RBPJ: variants seen among roughly 807,000 people sequenced by gnomAD.
RBPJ encodes the protein recombining binding protein suppressor of hairless.
In RBPJ, 9 loss-of-function variants were observed where a neutral mutation model predicts 67.8. That is an observed-to-expected ratio of 0.13 (90% CI 0.08 to 0.23). The LOEUF (loss-of-function observed/expected upper bound fraction) is 0.23, where lower values mean the gene tolerates loss of function less well. Among genes scored for constraint, RBPJ ranks in the 10% least tolerant of loss-of-function variants. The probability of loss-of-function intolerance (pLI) is 1.00; values close to 1 mark genes in which losing one functional copy is unlikely to be tolerated. For missense variants in RBPJ, 305 were observed against 595.6 expected (o/e 0.51, Z 5.08); for synonymous variants, 198 against 203.3 (o/e 0.97, Z 0.22).
intron 1 of RBPJ, among the ~76,000 whole-genome samples, chr4:26,329,364 A>C (rs1723992537): frequency 1.3e-5 from 2 of 152,208 alleles, no homozygotes; most frequent in African/African-American, 4.8e-5. Flanking sequence ...GGTGGACACC[A>C]TAAGAGAAAT....
intron 1 of RBPJ, among the ~76,000 whole-genome samples, chr4:26,343,739 C>CTTCT (rs1725809356): frequency 1.8e-5 from 1 of 55,836 alleles, no homozygotes; most frequent in Non-Finnish European, 3.3e-5. Context: ...TTTCTTTCTT[C>CTTCT]TTTTTTTTTT....
chr4:26,255,595 G>T (rs1257738660), intron 1 of RBPJ, among the ~76,000 whole-genome samples: 3 of 149,444 alleles, frequency 2.0e-5, no homozygotes, highest in South Asian at 2.1e-4. Context: ...GAGGTCGGGA[G>T]ATCGAGACCA....
the RBPJ span, among the ~76,000 whole-genome samples, chr4:26,138,614 TG>T: frequency 1.3e-5 from 2 of 152,204 alleles, no homozygotes; most frequent in Admixed American, 6.5e-5. Context: ...GTCGCTGCTC[TG>T]GAGTCTGAGT....
chr4:26,180,387 G>GT (rs1315831482), intron 1 of RBPJ, among the ~76,000 whole-genome samples: 2 of 151,634 alleles, frequency 1.3e-5, no homozygotes, highest in African/African-American at 2.4e-5. Flanking sequence ...CTTTGTTGGG[G>GT]CTGTTATAAC....
At chr4:26,353,511 A>G (rs1036577133) in intron 1 of RBPJ, among the ~76,000 whole-genome samples, 2 of 152,226 alleles carry the variant, frequency 1.3e-5, no homozygotes, top group Non-Finnish European at 2.9e-5. Context: ...TTGGTAGTAA[A>G]TAAGTGAGAT....
chr4:26,142,041 C>T, the RBPJ span, among the ~76,000 whole-genome samples: 348 of 152,032 alleles, frequency 2.3e-3, 2 homozygotes, highest in South Asian at 0.012. Context: ...TTCTGTTTCA[C>T]GATGTTCCTT....
At chr4:26,176,868 C>A (rs1039423622) in intron 1 of RBPJ, among the ~76,000 whole-genome samples, 2 of 152,238 alleles carry the variant, frequency 1.3e-5, no homozygotes, top group African/African-American at 4.8e-5. Context: ...ACCAGGCTGC[C>A]TTGCCAGACC....
At chr4:26,285,521 A>G (rs1344928921) in intron 1 of RBPJ, among the ~76,000 whole-genome samples, 1 of 152,030 alleles carries the variant, frequency 6.6e-6, no homozygotes, top group Non-Finnish European at 1.5e-5. Flanking sequence ...CTCTGCCTCA[A>G]AATTTTAATA....
chr4:26,202,939 GAGAA>G (rs755490944), intron 1 of RBPJ, among the ~76,000 whole-genome samples: 40 of 138,674 alleles, frequency 2.9e-4, no homozygotes, highest in Non-Finnish European at 5.5e-4. Flanking sequence ...GAGAGAAAGA[GAGAA>G]AGGAAGGAAG....
At chr4:26,334,357 G>A (rs1392480793) in intron 1 of RBPJ, among the ~76,000 whole-genome samples, 4 of 149,876 alleles carry the variant, frequency 2.7e-5, no homozygotes, top group Non-Finnish European at 5.9e-5. Flanking sequence ...TTTCTGCTTT[G>A]TATTTTCTTT....
chr4:26,255,578 G>A (rs1210157970), intron 1 of RBPJ, among the ~76,000 whole-genome samples: 1 of 149,878 alleles, frequency 6.7e-6, no homozygotes, highest in Non-Finnish European at 1.5e-5. Flanking sequence ...CAAGGCGGGC[G>A]GATCACGAGG....
the RBPJ span, among the ~76,000 whole-genome samples, chr4:26,122,822 G>A: frequency 6.6e-6 from 1 of 152,082 alleles, no homozygotes; most frequent in Non-Finnish European, 1.5e-5. Flanking sequence ...TACCATTGCA[G>A]GGAGAACACA....
chr4:26,340,204 G>A (rs1327668608), intron 1 of RBPJ, among the ~76,000 whole-genome samples: 1 of 152,174 alleles, frequency 6.6e-6, no homozygotes, highest in Non-Finnish European at 1.5e-5. Context: ...ATAAAAAGCA[G>A]GCAAGATGGT....
intron 1 of RBPJ, among the ~76,000 whole-genome samples, chr4:26,272,267 T>A (rs888107649): frequency 2.6e-5 from 4 of 152,180 alleles, no homozygotes; most frequent in African/African-American, 7.2e-5. Context: ...TCATTTTTAT[T>A]TTCTAAAACT....
chr4:26,318,082 GTTTT>G (rs142469301), upstream of RBPJ, among the ~76,000 whole-genome samples: 1 of 151,828 alleles, frequency 6.6e-6, no homozygotes, highest in Non-Finnish European at 1.5e-5. Flanking sequence ...TTTTAAGTCT[GTTTT>G]TTTGTGTATA....
intron 1 of RBPJ, among the ~76,000 whole-genome samples, chr4:26,192,530 A>G (rs1324727253): frequency 6.6e-6 from 1 of 152,208 alleles, no homozygotes; most frequent in Non-Finnish European, 1.5e-5. Flanking sequence ...GTATCTAATG[A>G]GCACTTACTA....
chr4:26,252,564 T>C (rs1335106579), intron 1 of RBPJ, among the ~76,000 whole-genome samples: 1 of 152,060 alleles, frequency 6.6e-6, no homozygotes, highest in Non-Finnish European at 1.5e-5. Context: ...CCAACCCAAG[T>C]GACAGAGGGA....
rs1177263916 is a variant in RBPJ at position 26,433,493 on chromosome 4, T to C, written c.*2486T>C. ...GTAGCTCAAAAATAATTTTTCAAGT[T>C]CATGACCTTATTAAAATGAACTTGT... On this transcript the variant is annotated 3_prime_UTR_variant, in exon 11 of 11. Coordinates refer to ENST00000355476, the MANE Select transcript of RBPJ (RefSeq NM_015874.6). The C allele has an allele frequency of 2.6e-5, 4 of 152,234 alleles. No individual in the cohort carries two copies. Among genetic ancestry groups the C allele is most frequent in the Admixed American group, 2.6e-4 (4 of 15,284 alleles). 9.4% of individuals were successfully genotyped at this position (152,234 alleles called of 1,614,324 possible).
intron 1 of RBPJ, among the ~76,000 whole-genome samples, chr4:26,374,504 C>T (rs975705807): frequency 2.0e-5 from 3 of 148,718 alleles, no homozygotes; most frequent in African/African-American, 7.5e-5. Flanking sequence ...GAGATGGAAT[C>T]TCGCTCTGTC....
Sources: gnomAD v4.1 joint callset for allele counts (sites outside exome capture counted in the v4.1 genomes callset) on GRCh38, gnomAD v4.1.1 for gene constraint, MANE v1.5 for transcripts, NCBI Gene and HGNC (gene_info 2026-07-23, HGNC 2026-07-21) for gene names.